The following SMYD3 variants were observed in gnomAD, a reference collection of about 807,000 sequenced individuals.
SMYD3 encodes the protein histone-lysine N-methyltransferase SMYD3.
Under a neutral mutation model 57.7 loss-of-function variants are expected in SMYD3, and 36 were observed. The ratio of observed to expected loss-of-function variants is 0.62; its 90% CI spans 0.48 to 0.82. SMYD3 has a LOEUF of 0.82. Ranked by LOEUF, SMYD3 falls within the 40% of genes least tolerant of loss-of-function variation. SMYD3 has a pLI of 0.00. For synonymous variants in SMYD3, 211 were observed against 195.0 expected (o/e 1.08, Z -0.68); for missense variants, 515 against 538.8 (o/e 0.96, Z 0.44).
chr1:246,408,026 G>A (rs931494487), intron 1 of SMYD3, among the ~76,000 whole-genome samples: 79 of 151,910 alleles, frequency 5.2e-4, no homozygotes, highest in African/African-American at 1.8e-3. Flanking sequence ...GTCCTCACTT[G>A]GCAGAAGGGG....
intron 10 of SMYD3, among the ~76,000 whole-genome samples, chr1:245,835,354 G>A (rs759739123): frequency 1.7e-4 from 26 of 152,094 alleles, no homozygotes; most frequent in Non-Finnish European, 3.5e-4. Context: ...TCTTGACCTC[G>A]TGATCTGCCC....
chr1:245,819,330 T>A (rs1256477708), intron 10 of SMYD3, among the ~76,000 whole-genome samples: 2 of 133,548 alleles, frequency 1.5e-5, no homozygotes, highest in Admixed American at 7.6e-5. Context: ...GAAATAAAGA[T>A]GTTCTTTGAA....
chr1:246,397,068 T>G (rs2066684924), intron 1 of SMYD3, among the ~76,000 whole-genome samples: 1 of 152,208 alleles, frequency 6.6e-6, no homozygotes, highest in Non-Finnish European at 1.5e-5. Flanking sequence ...AACTGTACCA[T>G]CTCTTTGCCT....
At chr1:246,006,392 C>T (rs1278851888) in intron 5 of SMYD3, among the ~76,000 whole-genome samples, 4 of 152,026 alleles carry the variant, frequency 2.6e-5, no homozygotes, top group African/African-American at 4.8e-5. Context: ...GCTGGACCCA[C>T]GTAGGTTCCT....
chr1:246,393,674 T>TAAAAA (rs796510890), intron 1 of SMYD3, among the ~76,000 whole-genome samples: 9 of 92,384 alleles, frequency 9.7e-5, no homozygotes, highest in South Asian at 4.2e-4. Context: ...CCCCCATCTC[T>TAAAAA]AAAAAAAAAA....
At chr1:246,038,966 A>G (rs1190516034) in intron 5 of SMYD3, among the ~76,000 whole-genome samples, 1 of 152,232 alleles carries the variant, frequency 6.6e-6, no homozygotes, top group Non-Finnish European at 1.5e-5. Context: ...AACACTGGGG[A>G]AAGGATGGGA....
At chr1:245,883,204 A>C (rs1424348795) in intron 8 of SMYD3, among the ~76,000 whole-genome samples, 2 of 152,230 alleles carry the variant, frequency 1.3e-5, no homozygotes, top group Non-Finnish European at 2.9e-5. Context: ...TTGTAACTAG[A>C]TACTAAACCA....
At chr1:245,918,416 C>G (rs889261958) in intron 7 of SMYD3, among the ~76,000 whole-genome samples, 3 of 152,088 alleles carry the variant, frequency 2.0e-5, no homozygotes, top group African/African-American at 7.2e-5. Context: ...AAGGAGTGTC[C>G]GTAGCACCGT....
At chr1:246,173,601 T>C (rs963441020) in intron 5 of SMYD3, among the ~76,000 whole-genome samples, 9 of 152,348 alleles carry the variant, frequency 5.9e-5, no homozygotes, top group African/African-American at 9.6e-5. Flanking sequence ...AACTTTTTGT[T>C]AAAAACGACG....
intron 5 of SMYD3, among the ~76,000 whole-genome samples, chr1:246,036,600 C>A (rs1231441515): frequency 6.6e-6 from 1 of 150,388 alleles, no homozygotes; most frequent in African/African-American, 2.4e-5. Flanking sequence ...GTTGCCCAGG[C>A]TGGAGTGCAG....
intron 10 of SMYD3, among the ~76,000 whole-genome samples, chr1:245,775,587 G>T (rs1181514149): frequency 6.6e-6 from 1 of 150,974 alleles, no homozygotes; most frequent in Non-Finnish European, 1.5e-5. Context: ...AAGGCCGCAG[G>T]GTCCTCTGCC....
intron 5 of SMYD3, among the ~76,000 whole-genome samples, chr1:246,049,632 C>T (rs2060034125): frequency 6.6e-6 from 1 of 152,184 alleles, no homozygotes; most frequent in Non-Finnish European, 1.5e-5. Context: ...ACACAAAAAA[C>T]ACAGTATGTA....
At chr1:246,353,930 G>C (rs2065871798) in intron 2 of SMYD3, among the ~76,000 whole-genome samples, 1 of 152,200 alleles carries the variant, frequency 6.6e-6, no homozygotes, top group Non-Finnish European at 1.5e-5. Context: ...GCCAGAATTA[G>C]CATGAGAACC....
chr1:245,961,633 A>G (rs2058011003), intron 5 of SMYD3, among the ~76,000 whole-genome samples: 1 of 151,578 alleles, frequency 6.6e-6, no homozygotes, highest in East Asian at 1.9e-4. Flanking sequence ...TTTTTTCCCC[A>G]CTCCAGCTCT....
At chr1:246,192,032 T>C (rs972301624) in intron 5 of SMYD3, among the ~76,000 whole-genome samples, 2 of 152,188 alleles carry the variant, frequency 1.3e-5, no homozygotes, top group African/African-American at 4.8e-5. Flanking sequence ...GAATCATACA[T>C]TGAAGATCTT....
chr1:245,843,216 A>G lies in SMYD3; in HGVS notation c.1076+15280T>C, dbSNP rs115856177. ...GGTAGGGAAGAAAGCAACACAGGCCAGGGATCACACACTTACGAGCCCACT... is the reference window on the plus strand; with the variant it reads ...GGTAGGGAAGAAAGCAACACAGGCCGGGGATCACACACTTACGAGCCCACT... On this transcript the variant is annotated intron_variant, in intron 10 of 11. Coordinates refer to ENST00000490107, the MANE Select transcript of SMYD3 (RefSeq NM_001167740.2). Among the ~76,000 whole-genome samples, 801 of 152,274 alleles carry G rather than the reference A, an allele frequency of 5.3e-3. 18 individuals are homozygous for G. The highest frequency in any genetic ancestry group is 0.019 in the African/African-American group (769 of 41,540).
chr1:245,876,586 C>T (rs1012055080), intron 8 of SMYD3, among the ~76,000 whole-genome samples: 2 of 152,194 alleles, frequency 1.3e-5, no homozygotes, highest in African/African-American at 4.8e-5. Flanking sequence ...TCTGCTTTTG[C>T]ACAAATAGTT....
intron 5 of SMYD3, among the ~76,000 whole-genome samples, chr1:246,172,773 C>A (rs940865407): frequency 6.7e-6 from 1 of 149,610 alleles, no homozygotes; most frequent in East Asian, 2.0e-4. Flanking sequence ...TCACTGTACT[C>A]TACTGTAGAC....
chr1:245,816,076 C>T (rs1428474776), intron 10 of SMYD3, among the ~76,000 whole-genome samples: 1 of 152,138 alleles, frequency 6.6e-6, no homozygotes, highest in Non-Finnish European at 1.5e-5. Context: ...TTGGTCAAAG[C>T]CCTGGGGTGT....
Sources: gnomAD v4.1 joint callset for allele counts (sites outside exome capture counted in the v4.1 genomes callset) on GRCh38, gnomAD v4.1.1 for gene constraint, MANE v1.5 for transcripts, NCBI Gene and HGNC (gene_info 2026-07-23, HGNC 2026-07-21) for gene names.